Variants in MEGF9 observed in about 807,000 individuals in gnomAD.
MEGF9 encodes the protein multiple EGF like domains 9.
MEGF9 carries 6 observed loss-of-function variants against 46.8 expected under a neutral mutation model. That is an observed-to-expected ratio of 0.13 (90% confidence interval 0.07 to 0.25). The LOEUF is 0.25. MEGF9 is among the 10% of genes least tolerant of loss of function. MEGF9 has a pLI of 1.00. For synonymous variants in MEGF9, 302 were observed against 330.7 expected, an observed-to-expected ratio of 0.91 and a Z score of 0.94; for missense variants, 683 against 792.4, an observed-to-expected ratio of 0.86 and a Z score of 1.66.
intron 2 of MEGF9, among the ~76,000 whole-genome samples, chr9:120,647,512 T>C (rs1201227013): frequency 6.6e-6 from 1 of 152,212 alleles, no homozygotes; most frequent in Non-Finnish European, 1.5e-5. Flanking sequence ...TTGATCAAGA[T>C]GGCTACCTTT....
intron 1 of MEGF9, among the ~76,000 whole-genome samples, chr9:120,674,146 G>A (rs1193408520): frequency 6.6e-6 from 1 of 151,588 alleles, no homozygotes; most frequent in African/African-American, 2.4e-5. Flanking sequence ...TGTATAAGTT[G>A]GACTTTATTA....
chr9:120,645,541 T>C (rs2043622059), intron 2 of MEGF9, among the ~76,000 whole-genome samples: 1 of 152,176 alleles, frequency 6.6e-6, no homozygotes, highest in Non-Finnish European at 1.5e-5. Context: ...TCACATTCCT[T>C]TTATACCTAG....
chr9:120,611,051 A>G (rs564948270), intron 4 of MEGF9, among the ~76,000 whole-genome samples: 1 of 152,312 alleles, frequency 6.6e-6, no homozygotes, highest in Non-Finnish European at 1.5e-5. Context: ...ATACCACTTC[A>G]TATCTACTAG....
chr9:120,609,447 A>G (rs1463903688), intron 4 of MEGF9, among the ~76,000 whole-genome samples: 1 of 152,208 alleles, frequency 6.6e-6, no homozygotes, highest in Non-Finnish European at 1.5e-5. Context: ...GTCATTTGAA[A>G]TTGTAATTAC....
chr9:120,626,139 C>T (rs1314872169), intron 2 of MEGF9, among the ~76,000 whole-genome samples: 3 of 152,166 alleles, frequency 2.0e-5, no homozygotes, highest in Middle Eastern at 3.4e-3. Flanking sequence ...AAATAGAAAT[C>T]AGACATCTGT....
intron 2 of MEGF9, among the ~76,000 whole-genome samples, chr9:120,657,080 C>T (rs1426344797): frequency 1.3e-5 from 2 of 152,156 alleles, no homozygotes; most frequent in Non-Finnish European, 2.9e-5. Context: ...ATGTTTGCAG[C>T]CCATACAGTC....
At chr9:120,616,740 A>T (rs1421933620) in intron 3 of MEGF9, among the ~76,000 whole-genome samples, 1 of 151,542 alleles carries the variant, frequency 6.6e-6, no homozygotes, top group Non-Finnish European at 1.5e-5. Context: ...TTCCATTTCC[A>T]GCTGAAATTC....
In MEGF9 at chr9:120,607,678, G is replaced by A; in HGVS notation, c.1357+63C>T. 9 of 1,538,080 alleles carry A rather than the reference G, an allele frequency of 5.9e-6. No individual in the cohort carries two copies. The South Asian group carries it at 9.1e-5, about 16-fold the overall frequency. On this transcript the variant is annotated intron_variant, in intron 5 of 5. Coordinates refer to ENST00000373930, the MANE Select transcript of MEGF9 (RefSeq NM_001080497.3). ...TGGTAGGGTTAGAAGGTTTTACAAA[G>A]CCTTCCATTTTTCACTGCTAGTTTT...
intron 1 of MEGF9, among the ~76,000 whole-genome samples, chr9:120,672,435 A>G (rs1470928518): frequency 4.0e-5 from 1 of 24,724 alleles, no homozygotes; most frequent in Non-Finnish European, 1.6e-4. Flanking sequence ...TCTACAGAAA[A>G]ATAAATAAAT....
At chr9:120,699,724 T>TAAA (rs60740438) in intron 1 of MEGF9, among the ~76,000 whole-genome samples, 7 of 112,412 alleles carry the variant, frequency 6.2e-5, no homozygotes, top group Non-Finnish European at 1.1e-4. Flanking sequence ...CCGTGTTTCT[T>TAAA]AAAAAAAAAA....
In MEGF9 at chr9:120,713,945, C is replaced by A; in HGVS notation, c.414G>T (p.Gln138His). 1 of 1,377,686 alleles carries A rather than the reference C, an allele frequency of 7.3e-7. No individual in the cohort carries two copies. Among genetic ancestry groups the A allele is most frequent in the South Asian group, 1.8e-5 (1 of 56,040 alleles). The allele number at this position is 1,377,686 out of a possible 1,614,324, so 85.3% of individuals were successfully genotyped here. ...TGGTCGGCGCGGGTCTGGTCGGCGC[C>A]TGAGAGGTGGTCGAAGTGCGTTCCG... Reference protein sequence around the residue: ...PAAERTSTTSQAPTRPAPTTL... With the variant: ...PAAERTSTTSHAPTRPAPTTL... The change falls in exon 1 of 6, where the codon CAG (glutamine) becomes CAT (histidine). Residue 138 changes from glutamine (Q) to histidine (H), a missense_variant. Physicochemically the swap from Gln to His is conservative, Grantham distance 24. This residue lies in a region of MEGF9 where 370 missense variants were observed against 371.3 expected (regional missense o/e 1.00). Coordinates refer to ENST00000373930, the MANE Select transcript of MEGF9 (RefSeq NM_001080497.3).
intron 2 of MEGF9, among the ~76,000 whole-genome samples, chr9:120,643,251 A>G (rs1016317407): frequency 1.3e-5 from 2 of 152,194 alleles, no homozygotes; most frequent in Non-Finnish European, 2.9e-5. Flanking sequence ...TGAGATGGAA[A>G]AAGTCATGCT....
rs1287323755 is a variant in MEGF9, at chr9:120,604,782, T to TA, written c.*407dup. The TA allele has an allele frequency of 2.1e-5, 4 of 188,170 alleles. No individual in the cohort carries two copies. Among genetic ancestry groups the TA allele is most frequent in the South Asian group, 2.3e-4 (2 of 8,728 alleles). The allele number at this position is 188,170 out of a possible 1,614,324, so 11.7% of individuals were successfully genotyped here. ...ACGAATATAATCCCTGACACTGTTT[T>TA]AAAAAAAATGTTTCAGGAATGGAGA... On this transcript the variant is annotated 3_prime_UTR_variant, in exon 6 of 6. Transcript: ENST00000373930.
intron 2 of MEGF9, among the ~76,000 whole-genome samples, chr9:120,646,096 C>T (rs1228274765): frequency 6.6e-6 from 1 of 152,140 alleles, no homozygotes; most frequent in African/African-American, 2.4e-5. Flanking sequence ...GCAAAAATTA[C>T]AAAATTTCCA....
intron 3 of MEGF9, 94 bp from the exon 4 acceptor site, chr9:120,612,633 A>G: frequency 1.7e-6 from 2 of 1,170,518 alleles, no homozygotes; most frequent in Non-Finnish European, 2.4e-6. Flanking sequence ...GATCATAAGA[A>G]AAAGAAAAAC....
chr9:120,644,745 C>T (rs921598244), intron 2 of MEGF9, among the ~76,000 whole-genome samples: 6 of 152,098 alleles, frequency 3.9e-5, no homozygotes, highest in Non-Finnish European at 8.8e-5. Flanking sequence ...AGTAAACAGT[C>T]GGTAAATGTT....
At chr9:120,711,133 T>C (rs1457699777) in intron 1 of MEGF9, among the ~76,000 whole-genome samples, 2 of 152,220 alleles carry the variant, frequency 1.3e-5, no homozygotes, top group Admixed American at 6.5e-5. Context: ...GCAACTCCAG[T>C]GAAAGTATTA....
At chr9:120,646,471 G>C (rs1050426370) in intron 2 of MEGF9, among the ~76,000 whole-genome samples, 3 of 152,146 alleles carry the variant, frequency 2.0e-5, no homozygotes, top group African/African-American at 7.2e-5. Context: ...TAATCTTGCT[G>C]TTTGCTGTCT....
At chr9:120,656,097 A>AT (rs1363691941) in intron 2 of MEGF9, among the ~76,000 whole-genome samples, 1 of 152,236 alleles carries the variant, frequency 6.6e-6, no homozygotes, top group Non-Finnish European at 1.5e-5. Context: ...CTGTGAAGTC[A>AT]TTTGGTGGAC....
Sources: gnomAD v4.1 joint callset for allele counts (sites outside exome capture counted in the v4.1 genomes callset) on GRCh38, gnomAD v4.1.1 for gene constraint, gnomAD v4.1.1 regional missense constraint, MANE v1.5 for transcripts, NCBI Gene and HGNC (gene_info 2026-07-23, HGNC 2026-07-21) for gene names.